Variants in GRID2 observed in about 807,000 individuals in gnomAD.
GRID2 encodes the protein glutamate ionotropic receptor delta type subunit 2.
A neutral mutation model predicts 114.8 loss-of-function variants in GRID2; 33 were observed. That is an observed-to-expected ratio of 0.29 (90% confidence interval 0.22 to 0.38). The LOEUF (loss-of-function observed/expected upper bound fraction) is 0.38, where lower values mean the gene tolerates loss of function less well. Among genes scored for constraint, GRID2 ranks in the 10% least tolerant of loss-of-function variants. GRID2 has a pLI of 1.00. For missense variants in GRID2, 1,184 were observed against 1,257.7 expected (o/e 0.94, Z 0.89); for synonymous variants, 505 against 449.9 (o/e 1.12, Z -1.55).
At chr4:93,372,557 TTGTTTTTACGATC>T (rs1763031654) in intron 8 of GRID2, among the ~76,000 whole-genome samples, 2 of 152,118 alleles carry the variant, frequency 1.3e-5, no homozygotes, top group African/African-American at 4.8e-5. Flanking sequence ...GCCTCCCTCT[TTGTTTTTACGATC>T]CCTGGGAGGA....
At chr4:92,566,712 A>G (rs928156540) in intron 1 of GRID2, among the ~76,000 whole-genome samples, 1 of 152,080 alleles carries the variant, frequency 6.6e-6, no homozygotes, top group Admixed American at 6.6e-5. Flanking sequence ...CTAAAAGCAA[A>G]TAATTGGAAG....
At chr4:93,648,353 G>A (rs185189346) in intron 14 of GRID2, among the ~76,000 whole-genome samples, 1,709 of 152,126 alleles carry the variant, frequency 0.011, 40 homozygotes, top group African/African-American at 0.039. Context: ...TATGTGCAGA[G>A]AAAAAGGAAC....
chr4:92,958,085 A>T (rs2149146687), intron 2 of GRID2, among the ~76,000 whole-genome samples: 1 of 152,148 alleles, frequency 6.6e-6, no homozygotes, highest in South Asian at 2.1e-4. Context: ...CTACATAATG[A>T]TATCACCTGT....
rs976053651 is a variant in GRID2 at position 92,766,946 on chromosome 4, CT to C, written c.244+176665del. 7.0e-4 allele frequency among the ~76,000 whole-genome samples: 107 copies of C among 152,324 alleles called. 1 individual carries two copies. Among genetic ancestry groups the C allele is most frequent in the African/African-American group, 2.5e-3 (105 of 41,572 alleles). Reference sequence around the variant, plus strand: ...AGGGAACCCAGGTGATTTACTAGGACTTTTTAAGTCTGAATGCTAATAGTCC... The same window carrying C: ...AGGGAACCCAGGTGATTTACTAGGACTTTTAAGTCTGAATGCTAATAGTCC... On this transcript the variant is annotated intron_variant, in intron 2 of 15. Coordinates refer to ENST00000282020, the MANE Select transcript of GRID2 (RefSeq NM_001510.4).
chr4:93,050,233 T>C (rs193115188), intron 2 of GRID2, among the ~76,000 whole-genome samples: 1,753 of 152,192 alleles, frequency 0.012, 18 homozygotes, highest in Non-Finnish European at 0.016. Context: ...ATTGTTGCAA[T>C]AGCCAGTCAA....
intron 5 of GRID2, among the ~76,000 whole-genome samples, chr4:93,210,173 C>G (rs1388111135): frequency 6.6e-6 from 1 of 151,466 alleles, no homozygotes; most frequent in Non-Finnish European, 1.5e-5. Flanking sequence ...AATATTTGCC[C>G]ATTTATATGT....
At chr4:92,418,402 A>T (rs1731725783) in intron 1 of GRID2, among the ~76,000 whole-genome samples, 1 of 152,058 alleles carries the variant, frequency 6.6e-6, no homozygotes, top group Admixed American at 6.6e-5. Flanking sequence ...AAGCGTCAAG[A>T]CAAGGATGGG....
intron 2 of GRID2, among the ~76,000 whole-genome samples, chr4:93,012,230 C>T (rs1207646356): frequency 6.6e-6 from 1 of 151,994 alleles, no homozygotes; most frequent in African/African-American, 2.4e-5. Flanking sequence ...TGGAACACCA[C>T]TTATTTTTGC....
chr4:93,492,214 A>G (rs1401273515), intron 12 of GRID2, among the ~76,000 whole-genome samples: 3 of 151,934 alleles, frequency 2.0e-5, no homozygotes, highest in Non-Finnish European at 4.4e-5. Flanking sequence ...AATAATAATA[A>G]ACATTTATTG....
chr4:92,615,481 C>T (rs1025827871), intron 2 of GRID2, among the ~76,000 whole-genome samples: 4 of 151,582 alleles, frequency 2.6e-5, no homozygotes, highest in South Asian at 2.1e-4. Context: ...TGCAGTTCAT[C>T]GTTATACCAT....
intron 10 of GRID2, among the ~76,000 whole-genome samples, chr4:93,426,197 A>G (rs1046769882): frequency 3.3e-5 from 5 of 152,196 alleles, no homozygotes; most frequent in African/African-American, 1.2e-4. Context: ...TAAGTTACAT[A>G]TAGAATTGTA....
At chr4:92,840,726 A>G (rs1388603465) in intron 2 of GRID2, among the ~76,000 whole-genome samples, 1 of 152,068 alleles carries the variant, frequency 6.6e-6, no homozygotes, top group South Asian at 2.1e-4. Context: ...CAAATAGTTT[A>G]TACTGAAAAC....
chr4:92,408,598 TC>T (rs1458549145), intron 1 of GRID2, among the ~76,000 whole-genome samples: 2 of 151,666 alleles, frequency 1.3e-5, no homozygotes, highest in African/African-American at 4.8e-5. Flanking sequence ...TACTGATTCT[TC>T]CAATCCATAA....
chr4:92,690,270 T>C (rs1247308799), intron 2 of GRID2, among the ~76,000 whole-genome samples: 2 of 152,048 alleles, frequency 1.3e-5, no homozygotes, highest in South Asian at 2.1e-4. Flanking sequence ...GGCTTATCAA[T>C]TGGCCTAGTT....
At chr4:93,588,752 G>T (rs538581640) in intron 13 of GRID2, among the ~76,000 whole-genome samples, 2 of 152,262 alleles carry the variant, frequency 1.3e-5, no homozygotes, top group African/African-American at 2.4e-5. Flanking sequence ...GAAGGCCAAG[G>T]CCTGAGAAAT....
At chr4:93,591,418 G>A (rs896159947) in intron 13 of GRID2, among the ~76,000 whole-genome samples, 2 of 151,788 alleles carry the variant, frequency 1.3e-5, no homozygotes, top group Non-Finnish European at 2.9e-5. Flanking sequence ...ACTTGACCAT[G>A]GTGGATAAGC....
In GRID2 at chr4:93,489,519, G is replaced by A. The variant is rs541245788; in HGVS notation, c.1859-1120G>A. The stretch of plus-strand genomic sequence containing the variant: ...GGGGAATCCCATTGATCTGATTTTC[G>A]TTTATAAAGGCACCATGGTAATAGA... On this transcript the variant is annotated intron_variant, in intron 11 of 15. Coordinates refer to ENST00000282020, the MANE Select transcript of GRID2 (RefSeq NM_001510.4). Among the ~76,000 whole-genome samples the A allele has an allele frequency of 1.3e-4, 19 of 151,944 alleles. No individual in the cohort carries two copies. The South Asian group carries it at 1.7e-3, about 13-fold the overall frequency.
rs550307677 is a variant in GRID2 at position 92,413,581 on chromosome 4, C to G, written c.88+108837C>G. Among the ~76,000 whole-genome samples, 466 of 152,158 alleles carry G rather than the reference C, an allele frequency of 3.1e-3. 1 individual carries two copies. Among genetic ancestry groups the G allele is most frequent in the African/African-American group, 0.011 (452 of 41,496 alleles). On this transcript the variant is annotated intron_variant, in intron 1 of 15. Coordinates refer to ENST00000282020, the MANE Select transcript of GRID2 (RefSeq NM_001510.4). Reference sequence around the variant, plus strand: ...GATAAACTTGCAGCAATACCTACATCTTAAGAAATTCCATCATTTAATGAG... The same window carrying G: ...GATAAACTTGCAGCAATACCTACATGTTAAGAAATTCCATCATTTAATGAG...
At chr4:93,584,801 A>AT (rs1436050379) in intron 13 of GRID2, among the ~76,000 whole-genome samples, 6 of 152,052 alleles carry the variant, frequency 3.9e-5, no homozygotes, top group South Asian at 4.1e-4. Context: ...TCCTTTACAG[A>AT]TTTTTTTAAG....
Sources: allele counts gnomAD v4.1 joint callset (sites outside exome capture counted in the v4.1 genomes callset), GRCh38; gene constraint gnomAD v4.1.1; transcripts MANE v1.5; gene names NCBI Gene and HGNC (gene_info 2026-07-23, HGNC 2026-07-21).